The following NOS1AP variants were observed in gnomAD, a reference collection of about 807,000 sequenced individuals.
NOS1AP encodes the protein nitric oxide synthase 1 adaptor protein.
NOS1AP carries 21 observed loss-of-function variants against 56.2 expected under a neutral mutation model. That is an observed-to-expected ratio of 0.37 (90% CI 0.26 to 0.54). NOS1AP has a LOEUF of 0.54. Ranked by LOEUF, NOS1AP falls within the 20% of genes least tolerant of loss-of-function variation. NOS1AP has a pLI of 0.84. For synonymous variants in NOS1AP, 270 were observed against 274.6 expected (o/e 0.98, Z 0.17); for missense variants, 522 against 657.8 (o/e 0.79, Z 2.26).
intron 8 of NOS1AP, chr1:162,363,140 C>G (rs1657956838): frequency 6.6e-6 from 1 of 152,442 alleles, no homozygotes; most frequent in South Asian, 2.1e-4. Flanking sequence ...ACAAGACTTT[C>G]CCCCATTTCA....
At chr1:162,146,646 C>T (rs1055756066) in intron 1 of NOS1AP, among the ~76,000 whole-genome samples, 1 of 152,226 alleles carries the variant, frequency 6.6e-6, no homozygotes, top group Non-Finnish European at 1.5e-5. Context: ...CAAAGCTTGA[C>T]TTCCCATAAT....
At chr1:162,071,533 C>T (rs1177822998) in intron 1 of NOS1AP, among the ~76,000 whole-genome samples, 1 of 152,112 alleles carries the variant, frequency 6.6e-6, no homozygotes, top group Non-Finnish European at 1.5e-5. Context: ...TTATCCCAGC[C>T]ATATTTGCTG....
chr1:162,116,890 T>C (rs529835160), intron 1 of NOS1AP, among the ~76,000 whole-genome samples: 1 of 152,316 alleles, frequency 6.6e-6, no homozygotes, highest in Admixed American at 6.5e-5. Context: ...TCTGCAATAT[T>C]CTTTGATGTT....
intron 4 of NOS1AP, among the ~76,000 whole-genome samples, chr1:162,308,555 T>C (rs935462802): frequency 5.9e-5 from 9 of 152,176 alleles, no homozygotes; most frequent in African/African-American, 2.2e-4. Flanking sequence ...TGGGCATGCA[T>C]ACCACTGGAC....
At chr1:162,215,270 T>G (rs769747040) in intron 2 of NOS1AP, among the ~76,000 whole-genome samples, 1 of 152,334 alleles carries the variant, frequency 6.6e-6, no homozygotes, top group Middle Eastern at 3.4e-3. Flanking sequence ...CGAGTCTTTC[T>G]GAGGCTTGCC....
At chr1:162,185,075 T>G (rs1651383119) in intron 2 of NOS1AP, among the ~76,000 whole-genome samples, 1 of 152,230 alleles carries the variant, frequency 6.6e-6, no homozygotes, top group Admixed American at 6.5e-5. Context: ...ATTCCCCAGC[T>G]CGTGGCCCCA....
At chr1:162,363,946 C>T (rs1000158656) in intron 8 of NOS1AP, 24 of 985,308 alleles carry the variant, frequency 2.4e-5, no homozygotes, top group Non-Finnish European at 2.9e-5. Flanking sequence ...ATAGGGTCAA[C>T]GGCAAGGTCA....
At chr1:162,363,884 T>C in intron 8 of NOS1AP, 1 of 985,416 alleles carries the variant, frequency 1.0e-6, no homozygotes, top group Non-Finnish European at 1.2e-6. Flanking sequence ...GGAGGACAGA[T>C]TTAGTTTAAA....
chr1:162,182,618 T>A (rs1243057208), intron 2 of NOS1AP, among the ~76,000 whole-genome samples: 4 of 152,238 alleles, frequency 2.6e-5, no homozygotes, highest in Non-Finnish European at 5.9e-5. Flanking sequence ...CAAACTCTGC[T>A]GCACTGCTTT....
rs773565225 is a variant in NOS1AP at position 162,224,359 on chromosome 1, T to C, written c.178-62985T>C. Among the ~76,000 whole-genome samples, 190 of 152,348 alleles carry C rather than the reference T, an allele frequency of 1.2e-3. 2 individuals carry two copies. The highest frequency in any genetic ancestry group is 1.8e-3 in the Non-Finnish European group (124 of 68,024). On this transcript the variant is annotated intron_variant, in intron 2 of 9. Coordinates refer to ENST00000361897, the MANE Select transcript of NOS1AP (RefSeq NM_014697.3). ...TCCCTGCTTCTGACATTCATAATTCTCCATTTGGTAATGAACTTTCATTAC... is the reference window on the plus strand; with the variant it reads ...TCCCTGCTTCTGACATTCATAATTCCCCATTTGGTAATGAACTTTCATTAC...
At chr1:162,173,958 G>A (rs1650933704) in intron 2 of NOS1AP, among the ~76,000 whole-genome samples, 1 of 152,172 alleles carries the variant, frequency 6.6e-6, no homozygotes, top group Admixed American at 6.5e-5. Context: ...TACACTGTTG[G>A]TGGGACTGTA....
chr1:162,126,532 T>TC lies in NOS1AP; in HGVS notation c.106-27872dup, dbSNP rs528696848. On this transcript the variant is annotated intron_variant, in intron 1 of 9. Transcript: ENST00000361897. ...TGGTTAAGGTATGCTTTTTTTTTTTTCTCTCTGTAATTTTTTTTCACTTAA... is the reference window on the plus strand; with the variant it reads ...TGGTTAAGGTATGCTTTTTTTTTTTTCCTCTCTGTAATTTTTTTTCACTTAA... Among the ~76,000 whole-genome samples, 872 of 150,808 alleles carry TC rather than the reference T, an allele frequency of 5.8e-3. 6 individuals are homozygous for TC. The highest frequency in any genetic ancestry group is 0.024 in the Middle Eastern group (7 of 290).
intron 3 of NOS1AP, among the ~76,000 whole-genome samples, chr1:162,289,173 A>G (rs569127916): frequency 1.4e-4 from 21 of 150,132 alleles, no homozygotes; most frequent in East Asian, 1.0e-3. Flanking sequence ...TCTGACTGAC[A>G]TATCTTTGTT....
rs182367818 is a variant in NOS1AP at position 162,322,540 on chromosome 1, C to T, written c.345-10477C>T. Reference sequence around the variant, plus strand: ...GGGAGTTATGGTGGGAATCCTCAGACGCTCAAGTGGGAACTCAACTGCCTT... The same window carrying T: ...GGGAGTTATGGTGGGAATCCTCAGATGCTCAAGTGGGAACTCAACTGCCTT... On this transcript the variant is annotated intron_variant, in intron 4 of 9. Coordinates refer to ENST00000361897, the MANE Select transcript of NOS1AP (RefSeq NM_014697.3). Among the ~76,000 whole-genome samples, 48 of 152,200 alleles carry T rather than the reference C, an allele frequency of 3.2e-4. No individual in the cohort carries two copies. The East Asian group carries it at 6.6e-3, about 21-fold the overall frequency.
At chr1:162,124,505 GT>G (rs1648390798) in intron 1 of NOS1AP, among the ~76,000 whole-genome samples, 1 of 76 alleles carries the variant, frequency 0.013, no homozygotes. Flanking sequence ...GTGTGTGTGT[GT>G]GACACACACA....
chr1:162,348,523 G>T (rs77170560), intron 6 of NOS1AP, among the ~76,000 whole-genome samples: 1 of 152,096 alleles, frequency 6.6e-6, no homozygotes, highest in Non-Finnish European at 1.5e-5. Flanking sequence ...ATTACTATAC[G>T]TGAGACCTCA....
rs555668221 is a variant in NOS1AP, at chr1:162,241,463, G to A, written c.178-45881G>A. Among the ~76,000 whole-genome samples the A allele has an allele frequency of 2.6e-5, 4 of 152,298 alleles. No homozygotes were observed. In the South Asian group the frequency reaches 8.3e-4, roughly 32 times the overall value. On this transcript the variant is annotated intron_variant, in intron 2 of 9. Transcript: ENST00000361897. ...CGTGAAGACTGGAGTGATGATAATA[G>A]CTAGTTAAAATTACTTCACACTTGC... is the stretch of plus-strand genomic sequence containing the variant.
chr1:162,083,962 A>G (rs937437840), intron 1 of NOS1AP, among the ~76,000 whole-genome samples: 8 of 152,212 alleles, frequency 5.3e-5, no homozygotes, highest in Admixed American at 3.9e-4. Flanking sequence ...ATAAAAACAA[A>G]ATAATAGCTA....
At chr1:162,163,488 T>C (rs1650327170) in intron 2 of NOS1AP, among the ~76,000 whole-genome samples, 1 of 152,192 alleles carries the variant, frequency 6.6e-6, no homozygotes, top group African/African-American at 2.4e-5. Flanking sequence ...TACAGCAGTC[T>C]ACAAAACAAA....
Sources: allele counts gnomAD v4.1 joint callset (sites outside exome capture counted in the v4.1 genomes callset), GRCh38; gene constraint gnomAD v4.1.1; transcripts MANE v1.5; gene names NCBI Gene and HGNC (gene_info 2026-07-23, HGNC 2026-07-21).